The following WASHC4 variants were observed in gnomAD, a reference collection of about 807,000 sequenced individuals.
WASHC4 encodes the protein WASH complex subunit 4, also known as WASH complex subunit 7.
WASHC4 carries 86 observed loss-of-function variants against 166.6 expected under a neutral mutation model. The observed-to-expected ratio is 0.52, with a 90% CI of 0.43 to 0.62. WASHC4 has a LOEUF of 0.62. Among genes scored for constraint, WASHC4 ranks in the 20% least tolerant of loss-of-function variants. The pLI is 0.00. For missense variants in WASHC4, 1,262 were observed against 1,382.4 expected, an observed-to-expected ratio of 0.91 and a Z score of 1.38; for synonymous variants, 446 against 451.6, an observed-to-expected ratio of 0.99 and a Z score of 0.16.
In WASHC4 at chr12:105,152,374, G is replaced by C; in HGVS notation, c.2681G>C (p.Arg894Pro). Reference sequence around the variant, plus strand: ...TTTGATAGAGCAGAAAAATTCAATCGAGGCATCAGAAAACTTGGAGTAACA... The same window carrying C: ...TTTGATAGAGCAGAAAAATTCAATCCAGGCATCAGAAAACTTGGAGTAACA... The part of the protein sequence containing the change: ...YPFDRAEKFN[R>P]GIRKLGVTPE... Residue 894 changes from arginine to proline, a missense_variant, in exon 26 of 33, where the codon CGA (arginine) becomes CCA (proline). By Grantham distance (103) the Arg-to-Pro change is moderately radical. Coordinates refer to ENST00000332180, the MANE Select transcript of WASHC4 (RefSeq NM_015275.3). The C allele has an allele frequency of 6.2e-7, 1 of 1,602,372 alleles. No homozygotes were observed. The highest frequency in any genetic ancestry group is 8.6e-7 in the Non-Finnish European group (1 of 1,169,552).
chr12:105,108,411 T>G (rs971348003), intron 1 of WASHC4, among the ~76,000 whole-genome samples: 1 of 152,252 alleles, frequency 6.6e-6, no homozygotes, highest in South Asian at 2.1e-4. Context: ...AATAAACACG[T>G]GAATGTCATT....
intron 30 of WASHC4, among the ~76,000 whole-genome samples, chr12:105,163,569 A>G (rs1222312541): frequency 6.6e-6 from 1 of 151,690 alleles, no homozygotes; most frequent in Non-Finnish European, 1.5e-5. Context: ...TGGTGCAGTC[A>G]TGGTTCACTG....
chr12:105,118,430 C>T lies in WASHC4; in HGVS notation c.436-16C>T, dbSNP rs757382135. ...AAAGAGTAACTTTATAATATATACCCACCTTCTCGTTTCAGGAACTGTCTT... is the reference window on the plus strand; with the variant it reads ...AAAGAGTAACTTTATAATATATACCTACCTTCTCGTTTCAGGAACTGTCTT... On this transcript the variant is annotated splice_polypyrimidine_tract_variant and intron_variant, in intron 6 of 32. Coordinates refer to ENST00000332180, the MANE Select transcript of WASHC4 (RefSeq NM_015275.3). The T allele has an allele frequency of 1.3e-6, 2 of 1,563,292 alleles. No individual in the cohort carries two copies. The highest frequency in any genetic ancestry group is 1.7e-5 in the Admixed American group (1 of 59,920).
chr12:105,108,563 C>T (rs192676781), intron 1 of WASHC4, among the ~76,000 whole-genome samples: 7 of 152,270 alleles, frequency 4.6e-5, no homozygotes, highest in Admixed American at 3.3e-4. Flanking sequence ...CTGATTTTAA[C>T]TTAGAAGTCT....
In WASHC4 at chr12:105,142,030, T is replaced by C. The variant is rs11297349; in HGVS notation, c.1788-423T>C. Among the ~76,000 whole-genome samples, 712 of 131,706 alleles carry C rather than the reference T, an allele frequency of 5.4e-3. 7 individuals carry two copies. Among genetic ancestry groups the C allele is most frequent in the African/African-American group, 0.02 (688 of 35,270 alleles). 86.4% of individuals were successfully genotyped at this position (131,706 alleles called of 152,430 possible). ...GGGGGGGGTCACAATTTTTTTTTTT[T>C]AAAAGATTTTTCTTTCCAACTTAGA... On this transcript the variant is annotated intron_variant, in intron 18 of 32. Coordinates refer to ENST00000332180, the MANE Select transcript of WASHC4 (RefSeq NM_015275.3).
At chr12:105,134,742 G>A (rs978115465) in intron 14 of WASHC4, among the ~76,000 whole-genome samples, 5 of 151,628 alleles carry the variant, frequency 3.3e-5, no homozygotes, top group African/African-American at 1.2e-4. Flanking sequence ...TCTTCCGTAA[G>A]TAACGTATAT....
At chr12:105,144,030 T>C (rs529098612) in intron 20 of WASHC4, among the ~76,000 whole-genome samples, 1 of 152,056 alleles carries the variant, frequency 6.6e-6, no homozygotes, top group Admixed American at 6.5e-5. Context: ...CTTTCCTCCT[T>C]TGTTGCTGGT....
chr12:105,132,015 T>G (rs1310100709), intron 13 of WASHC4, among the ~76,000 whole-genome samples: 3 of 152,184 alleles, frequency 2.0e-5, no homozygotes, highest in Non-Finnish European at 4.4e-5. Flanking sequence ...TTGAGTGTCT[T>G]CAGTTCCTTG....
chr12:105,151,853 T>C (rs1009190898), intron 25 of WASHC4, among the ~76,000 whole-genome samples: 2 of 152,244 alleles, frequency 1.3e-5, no homozygotes, highest in African/African-American at 2.4e-5. Flanking sequence ...AAGAATTGCT[T>C]TCTTATTATT....
Position 105,168,641 on chromosome 12 carries a change from T to C in WASHC4, c.*1710T>C, listed in dbSNP as rs2135853901. 6.6e-6 allele frequency: 1 copy of C among 152,146 alleles called. No homozygotes were observed. Among genetic ancestry groups the C allele is most frequent in the South Asian group, 2.1e-4 (1 of 4,830 alleles). 9.4% of individuals were successfully genotyped at this position (152,146 alleles called of 1,614,324 possible). On this transcript the variant is annotated 3_prime_UTR_variant, in exon 33 of 33. Coordinates refer to ENST00000332180, the MANE Select transcript of WASHC4 (RefSeq NM_015275.3). ...AATTAATTATTTTATCAATACTAGATAGAGTTCACATGCTGACTCCCTGGA... is the reference window on the plus strand; with the variant it reads ...AATTAATTATTTTATCAATACTAGACAGAGTTCACATGCTGACTCCCTGGA...
intron 20 of WASHC4, 131 bp downstream of exon 20, chr12:105,143,374 T>C (rs1162449503): frequency 1.6e-6 from 1 of 624,776 alleles, no homozygotes; most frequent in East Asian, 2.9e-5. Context: ...CAAAGAACTA[T>C]TTTTAGTTAC....
At chr12:105,129,224 G>A (rs1592866840) in intron 13 of WASHC4, among the ~76,000 whole-genome samples, 2 of 151,980 alleles carry the variant, frequency 1.3e-5, no homozygotes, top group Admixed American at 6.6e-5. Flanking sequence ...GATTACAGGC[G>A]TGAGCCACCG....
chr12:105,152,594 A>G, intron 26 of WASHC4, 143 bp downstream of exon 26: 1 of 663,400 alleles, frequency 1.5e-6, no homozygotes, highest in Non-Finnish European at 2.8e-6. Flanking sequence ...TTACCCCCAA[A>G]ATTTGTAAGT....
At chr12:105,130,798 C>T (rs997281862) in intron 13 of WASHC4, among the ~76,000 whole-genome samples, 1 of 152,192 alleles carries the variant, frequency 6.6e-6, no homozygotes, top group African/African-American at 2.4e-5. Flanking sequence ...TTGCATTTTG[C>T]TTTTGATTCA....
chr12:105,115,282 A>G, intron 5 of WASHC4, 53 bp downstream of exon 5: 1 of 1,071,882 alleles, frequency 9.3e-7, no homozygotes, highest in East Asian at 2.4e-5. Flanking sequence ...AATGAACAAA[A>G]AGTTAACAGA....
At position 105,143,148 on chromosome 12, in the gene WASHC4, G is replaced by T; in HGVS notation, c.1915G>T (p.Asp639Tyr). 3 of 1,610,004 alleles carry T rather than the reference G, an allele frequency of 1.9e-6. No individual in the cohort carries two copies. The South Asian group carries it at 3.3e-5, about 18-fold the overall frequency. The change falls in exon 20 of 33, where the codon GAC becomes TAC. Residue 639 changes from aspartate (D) to tyrosine (Y), a missense_variant. Transcript: ENST00000332180. ...RLHYMFSALRDCVPAMMHARH... is the reference protein window; with the variant it reads ...RLHYMFSALRYCVPAMMHARH... ...TTAGTACATGTTCAGTGCTTTGCGC[G>T]ACTGTGTACCTGCTATGATGCATGC...
Position 105,141,246 on chromosome 12 carries a change from G to T in WASHC4, c.1787G>T (p.Arg596Leu). Residue 596 changes from arginine to leucine, a missense_variant and splice_region_variant, in exon 18 of 33, where the codon CGA (arginine) becomes CTA (leucine). Arg to Leu is a moderately radical substitution (Grantham distance 102). Coordinates refer to ENST00000332180, the MANE Select transcript of WASHC4 (RefSeq NM_015275.3). ...GATCTTATTAGTGAACTTAGAGAAC[G>T]GTAAGTAGGACTGGGATATGCTGTG... is the stretch of plus-strand genomic sequence containing the variant. ...KLDLISELRE[R>L]VQTQCDCCFL... 4.4e-6 allele frequency: 7 copies of T among 1,589,428 alleles called. No individual in the cohort carries two copies. The highest frequency in any genetic ancestry group is 6.0e-6 in the Non-Finnish European group (7 of 1,157,652).
rs750995097 is a variant in WASHC4 at position 105,142,525 on chromosome 12, A to G, written c.1860A>G (p.Val620=). The G allele has an allele frequency of 5.6e-6, 9 of 1,603,000 alleles. No homozygotes were observed. Among genetic ancestry groups the G allele is most frequent in the Non-Finnish European group, 6.8e-6 (8 of 1,170,978 alleles). The change falls in exon 19 of 33, where the codon GTA becomes GTG. Residue 620 remains valine, a synonymous_variant. Coordinates refer to ENST00000332180, the MANE Select transcript of WASHC4 (RefSeq NM_015275.3). ...TCTTCCCAATTTATTTAGATGATGT[A>G]TATGAAAATGCTGTTGATGCAGCCA... is the stretch of plus-strand genomic sequence containing the variant. ...RAVFPIYLDD[V]YENAVDAARL... is the part of the protein sequence containing the mutation.
At chr12:105,161,939 A>G (rs1884521394) in intron 29 of WASHC4, among the ~76,000 whole-genome samples, 1 of 152,222 alleles carries the variant, frequency 6.6e-6, no homozygotes, top group South Asian at 2.1e-4. Flanking sequence ...GGGCGAAAAA[A>G]ATAAAAATAC....
Sources: allele counts gnomAD v4.1 joint callset (sites outside exome capture counted in the v4.1 genomes callset), GRCh38; gene constraint gnomAD v4.1.1; transcripts MANE v1.5; gene names NCBI Gene and HGNC (gene_info 2026-07-23, HGNC 2026-07-21).